Variants in PTPRN2 observed in about 807,000 individuals in gnomAD.
PTPRN2 encodes the protein receptor-type tyrosine-protein phosphatase N2.
In PTPRN2, 74 loss-of-function variants were observed where a neutral mutation model predicts 118.8. That is an observed-to-expected ratio of 0.62 (90% CI 0.52 to 0.76). The LOEUF (loss-of-function observed/expected upper bound fraction) is 0.76, where lower values mean the gene tolerates loss of function less well. PTPRN2 is among the 30% of genes least tolerant of loss of function. The probability of loss-of-function intolerance (pLI) is 0.00; values close to 1 mark genes in which losing one functional copy is unlikely to be tolerated. For missense variants in PTPRN2, 1,481 were observed against 1,394.4 expected, an observed-to-expected ratio of 1.06 and a Z score of -0.99; for synonymous variants, 641 against 608.0, an observed-to-expected ratio of 1.05 and a Z score of -0.80.
intron 19 of PTPRN2, chr7:157,574,451 G>A (rs374295372): frequency 4.0e-5 from 21 of 524,544 alleles, no homozygotes; most frequent in African/African-American, 1.9e-4. Flanking sequence ...GGGTTTGTCC[G>A]TTTTACCGTG....
Position 158,455,213 on chromosome 7 carries a change from G to A in PTPRN2, c.163+34522C>T, listed in dbSNP as rs549015833. 2.2e-4 allele frequency among the ~76,000 whole-genome samples: 33 copies of A among 152,008 alleles called. No homozygotes were observed. In the South Asian group the frequency reaches 2.5e-3, roughly 12 times the overall value. Reference sequence around the variant, plus strand: ...AGAAGATAACGGCACGGACGCCATCGGCCACGGCCACCCATCGCTCTGCAG... The same window carrying A: ...AGAAGATAACGGCACGGACGCCATCAGCCACGGCCACCCATCGCTCTGCAG... On this transcript the variant is annotated intron_variant, in intron 2 of 22. Transcript: ENST00000389418.
Position 158,570,519 on chromosome 7 carries a change from G to T in PTPRN2, c.112+17039C>A, listed in dbSNP as rs573189615. Reference sequence around the variant, plus strand: ...CCCTCAACTGACGCGTCTCCCCGTGGTGGGTCCCGATCCCCCGGCCGGCTC... The same window carrying T: ...CCCTCAACTGACGCGTCTCCCCGTGTTGGGTCCCGATCCCCCGGCCGGCTC... On this transcript the variant is annotated intron_variant, in intron 1 of 22. Coordinates refer to ENST00000389418, the MANE Select transcript of PTPRN2 (RefSeq NM_002847.5). This position sits in a 1 kb window ranked among gnomAD's most constrained non-coding sequence, Gnocchi z 4.5. Among the ~76,000 whole-genome samples, 1 of 152,134 alleles carries T rather than the reference G, an allele frequency of 6.6e-6. No individual in the cohort carries two copies. Among genetic ancestry groups the T allele is most frequent in the East Asian group, 1.9e-4 (1 of 5,178 alleles).
Position 158,093,064 on chromosome 7 carries a change from T to G in PTPRN2, c.1644-11687A>C, listed in dbSNP as rs1814327035. On this transcript the variant is annotated intron_variant, in intron 10 of 22. Transcript: ENST00000389418. The surrounding 1 kb of genome is among the most constrained non-coding windows in gnomAD (Gnocchi z 4.4). ...ACTAGAATCACAACTTCGGCGTTCT[T>G]GGCTGAGAGCCTTCTGCGAGGCACG... Among the ~76,000 whole-genome samples the G allele has an allele frequency of 6.6e-6, 1 of 152,256 alleles. No homozygotes were observed. Among genetic ancestry groups the G allele is most frequent in the South Asian group, 2.1e-4 (1 of 4,834 alleles).
chr7:158,505,368 G>T (rs1172922346), intron 1 of PTPRN2, among the ~76,000 whole-genome samples: 1 of 152,034 alleles, frequency 6.6e-6, no homozygotes, highest in African/African-American at 2.4e-5. Flanking sequence ...GTGCAGCTGT[G>T]TGTGCTCCAT....
At chr7:158,043,617 T>A (rs752273884) in intron 11 of PTPRN2, among the ~76,000 whole-genome samples, 1 of 152,258 alleles carries the variant, frequency 6.6e-6, no homozygotes, top group Non-Finnish European at 1.5e-5. Flanking sequence ...GAGAAGGGCC[T>A]GACCTCACTG....
intron 2 of PTPRN2, among the ~76,000 whole-genome samples, chr7:158,478,470 C>T (rs1233215946): frequency 6.6e-6 from 1 of 152,192 alleles, no homozygotes; most frequent in Non-Finnish European, 1.5e-5. Flanking sequence ...GAGGCAGAGG[C>T]CCGCTCTGCG....
In PTPRN2 at chr7:158,509,427, C is replaced by T. The variant is rs1424237223; in HGVS notation, c.113-19642G>A. On this transcript the variant is annotated intron_variant, in intron 1 of 22. Transcript: ENST00000389418. This position sits in a 1 kb window ranked among gnomAD's most constrained non-coding sequence, Gnocchi z 4.4. ...AAGGCCTCTCCAAGCCATGCACCCA[C>T]CCTGCAGGAAAGAGCTCAGCATCCT... 6.6e-6 allele frequency among the ~76,000 whole-genome samples: 1 copy of T among 152,220 alleles called. No individual in the cohort carries two copies. Among genetic ancestry groups the T allele is most frequent in the Non-Finnish European group, 1.5e-5 (1 of 68,038 alleles).
At chr7:158,143,014 C>T (rs1819530473) in intron 6 of PTPRN2, among the ~76,000 whole-genome samples, 2 of 152,192 alleles carry the variant, frequency 1.3e-5, no homozygotes, top group South Asian at 4.1e-4. Context: ...GCCTCGCAAC[C>T]GAGCCACCGA....
Position 158,400,887 on chromosome 7 carries a change from C to T in PTPRN2, c.164-83955G>A, listed in dbSNP as rs10276923. On this transcript the variant is annotated intron_variant, in intron 2 of 22. Coordinates refer to ENST00000389418, the MANE Select transcript of PTPRN2 (RefSeq NM_002847.5). ...CTCCTCAAACACCAACCAGCAGCCC[C>T]CGTCCCACCCCCCGCATTCCCCCAG... 2.0e-3 allele frequency among the ~76,000 whole-genome samples: 310 copies of T among 152,196 alleles called. 2 individuals carry two copies. Among genetic ancestry groups the T allele is most frequent in the African/African-American group, 7.2e-3 (299 of 41,518 alleles).
chr7:158,332,096 G>C (rs1354119357), intron 2 of PTPRN2, among the ~76,000 whole-genome samples: 2 of 149,842 alleles, frequency 1.3e-5, no homozygotes, highest in Non-Finnish European at 2.9e-5. Flanking sequence ...CTCACCATAA[G>C]AGCTGAGGCC....
chr7:157,985,544 G>A (rs879783177), intron 11 of PTPRN2, among the ~76,000 whole-genome samples: 5 of 152,156 alleles, frequency 3.3e-5, no homozygotes, highest in African/African-American at 2.4e-5. Flanking sequence ...CTGACATGCC[G>A]CCCCAGTGAT....
chr7:158,150,272 G>C (rs915181874), intron 6 of PTPRN2, among the ~76,000 whole-genome samples: 10 of 152,196 alleles, frequency 6.6e-5, no homozygotes, highest in Admixed American at 2.0e-4. Context: ...TAAACAAGTT[G>C]AATCCAGGCT....
chr7:158,166,710 G>A (rs562849457), intron 6 of PTPRN2, among the ~76,000 whole-genome samples: 11 of 152,240 alleles, frequency 7.2e-5, no homozygotes, highest in South Asian at 2.1e-4. Context: ...TGGCCACTGC[G>A]TTCCCAGGAC....
chr7:157,657,248 T>C (rs1348572437), intron 13 of PTPRN2, among the ~76,000 whole-genome samples: 5 of 35,804 alleles, frequency 1.4e-4, no homozygotes, highest in African/African-American at 5.2e-4. Context: ...ACCACACACA[T>C]CACACATATA....
rs1310798155 is a variant in PTPRN2 at position 157,953,682 on chromosome 7, T to A, written c.1724-54945A>T. 6.6e-6 allele frequency among the ~76,000 whole-genome samples: 1 copy of A among 151,800 alleles called. No homozygotes were observed. Among genetic ancestry groups the A allele is most frequent in the African/African-American group, 2.4e-5 (1 of 41,308 alleles). On this transcript the variant is annotated intron_variant, in intron 11 of 22. Coordinates refer to ENST00000389418, the MANE Select transcript of PTPRN2 (RefSeq NM_002847.5). The surrounding 1 kb of genome is among the most constrained non-coding windows in gnomAD (Gnocchi z 4.6). The stretch of plus-strand genomic sequence containing the variant: ...GACATCTCATTTTTTCAGAGCTGCA[T>A]CATCAGAGCAGTTGGGGGACAGGAG...
At chr7:158,342,193 C>T (rs572614485) in intron 2 of PTPRN2, among the ~76,000 whole-genome samples, 5,269 of 133,448 alleles carry the variant, frequency 0.039, 288 homozygotes, top group Non-Finnish European at 0.054. Flanking sequence ...CGCCCACAGA[C>T]GTCACTCACA....
rs143472106 is a variant in PTPRN2, at chr7:157,632,254, A to G, written c.2197-10745T>C. Among the ~76,000 whole-genome samples the G allele has an allele frequency of 6.0e-4, 91 of 152,250 alleles. No homozygotes were observed. Among genetic ancestry groups the G allele is most frequent in the African/African-American group, 2.1e-3 (86 of 41,550 alleles). On this transcript the variant is annotated intron_variant, in intron 14 of 22. Transcript: ENST00000389418. This position sits in a 1 kb window ranked among gnomAD's most constrained non-coding sequence, Gnocchi z 4.3. ...GGCCCAGTCTCTGCCTCACCTCTAG[A>G]AGGACTGCATGAAGACCTGCGATGC...
intron 2 of PTPRN2, among the ~76,000 whole-genome samples, chr7:158,320,957 T>C (rs1323424453): frequency 2.0e-5 from 3 of 152,156 alleles, no homozygotes; most frequent in African/African-American, 7.2e-5. Context: ...GATTTTTATG[T>C]GGCCAGAATT....
At chr7:158,344,772 C>G (rs1369255229) in intron 2 of PTPRN2, among the ~76,000 whole-genome samples, 1 of 152,172 alleles carries the variant, frequency 6.6e-6, no homozygotes, top group African/African-American at 2.4e-5. Context: ...GACCCCAGCA[C>G]CTTTCATCGG....
Sources: allele counts gnomAD v4.1 joint callset (sites outside exome capture counted in the v4.1 genomes callset), GRCh38; gene constraint gnomAD v4.1.1; non-coding constraint Gnocchi (gnomAD v3.1); transcripts MANE v1.5; gene names NCBI Gene and HGNC (gene_info 2026-07-23, HGNC 2026-07-21).